The following PLA2G2F variants were observed in gnomAD, a reference collection of about 807,000 sequenced individuals.
PLA2G2F encodes the protein group IIF secretory phospholipase A2.
PLA2G2F carries 17 observed loss-of-function variants against 15.9 expected under a neutral mutation model. The observed-to-expected ratio is 1.07, with a 90% CI of 0.73 to 1.60. The LOEUF is 1.60. Ranked by LOEUF, PLA2G2F falls within the 40% of genes most tolerant of loss-of-function variation. PLA2G2F has a pLI of 0.00. For missense variants in PLA2G2F, 299 were observed against 278.2 expected (o/e 1.07, Z -0.53); for synonymous variants, 119 against 106.5 (o/e 1.12, Z -0.72).
intron 3 of PLA2G2F, 135 bp downstream of exon 3, chr1:20,143,725 AC>A: frequency 1.8e-6 from 2 of 1,136,242 alleles, no homozygotes; most frequent in Non-Finnish European, 2.5e-6. Flanking sequence ...TGACTTGGTG[AC>A]CAGAGCCTGG....
At chr1:20,144,312 T>C (rs573885511) in intron 3 of PLA2G2F, among the ~76,000 whole-genome samples, 3 of 152,112 alleles carry the variant, frequency 2.0e-5, no homozygotes, top group African/African-American at 7.2e-5. Flanking sequence ...GGGAGCCCTG[T>C]GGATAGAACA....
Position 20,139,559 on chromosome 1 carries a change from C to A in PLA2G2F, c.116+16C>A, listed in dbSNP as rs1016555945. 4 of 1,477,988 alleles carry A rather than the reference C, an allele frequency of 2.7e-6. No homozygotes were observed. The highest frequency in any genetic ancestry group is 3.6e-6 in the Non-Finnish European group (4 of 1,105,472). The allele number at this position is 1,477,988 out of a possible 1,614,324, so 91.6% of individuals were successfully genotyped here. ...GAACCTCCAGGTAGGTGCCTGTTGC[C>A]CTGAGATGGAATCCTCCAGGGAGGG... is the stretch of plus-strand genomic sequence containing the variant. On this transcript the variant is annotated intron_variant, in intron 1 of 4. Transcript: ENST00000375102.
At chr1:20,144,728 G>T in intron 4 of PLA2G2F, 39 bp downstream of exon 4, 1 of 1,510,094 alleles carries the variant, frequency 6.6e-7, no homozygotes, top group Non-Finnish European at 9.1e-7. Flanking sequence ...CCAGAGAAGG[G>T]AGTGGCTGGC....
In PLA2G2F at chr1:20,143,474, C is replaced by T. The variant is rs201614228; in HGVS notation, c.198C>T (p.Leu66=). The T allele has an allele frequency of 2.8e-4, 452 of 1,614,048 alleles. 2 individuals carry two copies. In the East Asian group the frequency reaches 9.3e-3, roughly 33 times the overall value. The change falls in exon 3 of 5, where the codon CTC becomes CTT. Residue 66 remains leucine (L), a synonymous_variant. Coordinates refer to ENST00000375102, the MANE Select transcript of PLA2G2F (RefSeq NM_022819.4). The stretch of plus-strand genomic sequence containing the variant: ...TGTCCACAGCTCACGGCAGCCTGCT[C>T]AACCTGAAGGCCATGGTGGAGGCCG... The part of the protein sequence containing the change: ...SVLSTAHGSL[L]NLKAMVEAVT...
rs1031119125 is a variant in PLA2G2F at position 20,140,439 on chromosome 1, G to A, written c.169+221G>A. 3.0e-5 allele frequency: 16 copies of A among 542,100 alleles called. No homozygotes were observed. The Admixed American group carries it at 4.4e-4, about 15-fold the overall frequency. 33.6% of individuals were successfully genotyped at this position (542,100 alleles called of 1,614,324 possible). A position where few individuals can be genotyped will look rare whatever the true frequency, so the allele number is the denominator to read the frequency against. On this transcript the variant is annotated intron_variant, in intron 2 of 4. Coordinates refer to ENST00000375102, the MANE Select transcript of PLA2G2F (RefSeq NM_022819.4). ...ATTTATGAGCCCTGGGGGGCAGGGCGCAGGGCTGAGCAAGCATCGTAAAAT... is the reference window on the plus strand; with the variant it reads ...ATTTATGAGCCCTGGGGGGCAGGGCACAGGGCTGAGCAAGCATCGTAAAAT...
intron 2 of PLA2G2F, 40 bp from the exon 3 acceptor site, chr1:20,143,406 C>T (rs752795527): frequency 2.5e-6 from 4 of 1,601,656 alleles, no homozygotes; most frequent in East Asian, 2.2e-5. Flanking sequence ...GCGGCCAGCC[C>T]CGGGGCAGGG....
Position 20,149,962 on chromosome 1 carries a change from G to A in PLA2G2F, c.*1561G>A, listed in dbSNP as rs979942108. 1.3e-5 allele frequency: 2 copies of A among 152,474 alleles called. No individual in the cohort carries two copies. Among genetic ancestry groups the A allele is most frequent in the Admixed American group, 6.5e-5 (1 of 15,286 alleles). 9.4% of individuals were successfully genotyped at this position (152,474 alleles called of 1,614,324 possible). ...CCTGGAGCACCATTGTCGCTGGGGA[G>A]GGAGAGCCGGGAAGGGTGGAGAAGG... On this transcript the variant is annotated 3_prime_UTR_variant, in exon 5 of 5. Coordinates refer to ENST00000375102, the MANE Select transcript of PLA2G2F (RefSeq NM_022819.4).
intron 4 of PLA2G2F, among the ~76,000 whole-genome samples, chr1:20,147,204 C>T (rs1451592045): frequency 6.6e-6 from 1 of 152,184 alleles, no homozygotes; most frequent in African/African-American, 2.4e-5. Context: ...TGCCAATCAT[C>T]AAGCCCCACC....
chr1:20,145,200 A>G (rs2017563913), intron 4 of PLA2G2F, among the ~76,000 whole-genome samples: 1 of 152,214 alleles, frequency 6.6e-6, no homozygotes, highest in African/African-American at 2.4e-5. Context: ...GGACATATTG[A>G]TACTCAAAAC....
chr1:20,144,274 G>C (rs6684376), intron 3 of PLA2G2F, among the ~76,000 whole-genome samples: 1 of 152,084 alleles, frequency 6.6e-6, no homozygotes, highest in Non-Finnish European at 1.5e-5. Context: ...TCCTCCCACT[G>C]CTGCAGCCGG....
intron 2 of PLA2G2F, chr1:20,143,120 G>C (rs189609732): frequency 8.3e-6 from 2 of 241,964 alleles, no homozygotes; most frequent in African/African-American, 2.2e-5. Flanking sequence ...GCAGGGGGTT[G>C]CAGTGAGCAC....
At chr1:20,143,256 C>T (rs1419652747) in intron 2 of PLA2G2F, 190 bp from the exon 3 acceptor site, 1 of 647,670 alleles carries the variant, frequency 1.5e-6, no homozygotes, top group Non-Finnish European at 2.6e-6. Flanking sequence ...TACATGGTAC[C>T]TTGCAGATTT....
chr1:20,148,547 G>A lies in PLA2G2F; in HGVS notation c.*146G>A. 1 of 661,432 alleles carries A rather than the reference G, an allele frequency of 1.5e-6. No individual in the cohort carries two copies. Among genetic ancestry groups the A allele is most frequent in the Non-Finnish European group, 2.6e-6 (1 of 390,014 alleles). The allele number at this position is 661,432 out of a possible 1,614,324, so 41.0% of individuals were successfully genotyped here. A position where few individuals can be genotyped will look rare whatever the true frequency, so the allele number is the denominator to read the frequency against. On this transcript the variant is annotated 3_prime_UTR_variant, in exon 5 of 5. Transcript: ENST00000375102. ...CTCTCCAGTGAGGGCTCAGCTCTCAGAGGACTCAGGAAGGCCTGGGTCCTG... is the reference window on the plus strand; with the variant it reads ...CTCTCCAGTGAGGGCTCAGCTCTCAAAGGACTCAGGAAGGCCTGGGTCCTG...
At chr1:20,143,670 T>C (rs1489979420) in intron 3 of PLA2G2F, 80 bp downstream of exon 3, 3 of 1,527,082 alleles carry the variant, frequency 2.0e-6, no homozygotes, top group Non-Finnish European at 2.7e-6. Flanking sequence ...CCTCCATCCC[T>C]GAGTGGGGGA....
chr1:20,139,854 G>A (rs978876144), intron 1 of PLA2G2F, among the ~76,000 whole-genome samples: 5 of 152,144 alleles, frequency 3.3e-5, no homozygotes, highest in African/African-American at 7.2e-5. Flanking sequence ...CTTCCTTCCC[G>A]GACTCCCTAG....
At chr1:20,146,788 G>A (rs2100696564) in intron 4 of PLA2G2F, among the ~76,000 whole-genome samples, 1 of 152,282 alleles carries the variant, frequency 6.6e-6, no homozygotes, top group Admixed American at 6.5e-5. Context: ...AACATGAGGT[G>A]GAGGGGCTGG....
In PLA2G2F at chr1:20,139,598, T is replaced by G. The variant is rs1023568650; in HGVS notation, c.116+55T>G. The G allele has an allele frequency of 5.4e-6, 7 of 1,296,938 alleles. No individual in the cohort carries two copies. The African/African-American group carries it at 1.1e-4, about 20-fold the overall frequency. The allele number at this position is 1,296,938 out of a possible 1,614,324, so 80.3% of individuals were successfully genotyped here. Reference sequence around the variant, plus strand: ...CTCCAGGGAGGGGCAGGGACAGGCGTGAGGGACTGGCTCCTAGAATCCCTT... The same window carrying G: ...CTCCAGGGAGGGGCAGGGACAGGCGGGAGGGACTGGCTCCTAGAATCCCTT... On this transcript the variant is annotated intron_variant, in intron 1 of 4. Coordinates refer to ENST00000375102, the MANE Select transcript of PLA2G2F (RefSeq NM_022819.4).
chr1:20,140,049 G>T, intron 1 of PLA2G2F, 117 bp from the exon 2 acceptor site: 4 of 1,060,944 alleles, frequency 3.8e-6, no homozygotes, highest in Admixed American at 4.2e-5. Context: ...CAGCAACTAG[G>T]ACATCAAGGG....
intron 3 of PLA2G2F, 97 bp downstream of exon 3, chr1:20,143,687 C>T (rs2017526366): frequency 7.0e-7 from 1 of 1,433,826 alleles, no homozygotes; most frequent in Non-Finnish European, 9.5e-7. Context: ...GGGAGACCTT[C>T]TTTCCCCAAA....
Sources: gnomAD v4.1 joint callset for allele counts (sites outside exome capture counted in the v4.1 genomes callset) on GRCh38, gnomAD v4.1.1 for gene constraint, MANE v1.5 for transcripts, NCBI Gene and HGNC (gene_info 2026-07-23, HGNC 2026-07-21) for gene names.